Variants in CADM2 observed in about 807,000 individuals in gnomAD.
The protein encoded by CADM2 is cell adhesion molecule 2.
Under a neutral mutation model 49.8 loss-of-function variants are expected in CADM2, and 12 were observed. The observed-to-expected ratio is 0.24, with a 90% CI of 0.15 to 0.39. The LOEUF is 0.39. Ranked by LOEUF, CADM2 falls within the 10% of genes least tolerant of loss-of-function variation. CADM2 has a pLI of 1.00. For missense variants in CADM2, 378 were observed against 492.3 expected (o/e 0.77, Z 2.20); for synonymous variants, 214 against 175.4 (o/e 1.22, Z -1.74).
intron 1 of CADM2, among the ~76,000 whole-genome samples, chr3:85,345,468 C>T (rs1020384117): frequency 1.3e-5 from 2 of 152,044 alleles, no homozygotes; most frequent in Non-Finnish European, 2.9e-5. Flanking sequence ...TCATTCACCA[C>T]CTGATAAGAT....
At chr3:85,213,072 G>A (rs768673673) in intron 1 of CADM2, among the ~76,000 whole-genome samples, 12 of 151,582 alleles carry the variant, frequency 7.9e-5, no homozygotes, top group African/African-American at 2.4e-4. Context: ...TAGTAGAGAC[G>A]GGGTTTCACC....
At chr3:85,024,411 T>C (rs1428159927) in intron 1 of CADM2, among the ~76,000 whole-genome samples, 1 of 152,118 alleles carries the variant, frequency 6.6e-6, no homozygotes, top group Non-Finnish European at 1.5e-5. Context: ...GTTGATCTGA[T>C]TCTAGAGCTT....
At position 85,802,147 on chromosome 3, in the gene CADM2, C is replaced by A; in HGVS notation, c.189C>A (p.Leu63=). 1.2e-6 allele frequency: 2 copies of A among 1,613,214 alleles called. No individual in the cohort carries two copies. The highest frequency in any genetic ancestry group is 1.7e-6 in the Non-Finnish European group (2 of 1,179,536). Reference sequence around the variant, plus strand: ...TTGATCAAAATGATAACACCTCCCTCCAGTGGTCAAATCCAGCTCAACAGA... The same window carrying A: ...TTGATCAAAATGATAACACCTCCCTACAGTGGTCAAATCCAGCTCAACAGA... The part of the protein sequence containing the change: ...CRVDQNDNTS[L]QWSNPAQQTL... The change falls in exon 3 of 10, where the codon CTC becomes CTA. Residue 63 remains leucine (L), a synonymous_variant. Transcript: ENST00000383699.
chr3:85,484,356 C>T (rs116035823), intron 1 of CADM2, among the ~76,000 whole-genome samples: 1,532 of 151,936 alleles, frequency 0.01, 26 homozygotes, highest in African/African-American at 0.034. Flanking sequence ...TTATACAAGG[C>T]ACAATAGGCA....
At chr3:85,101,468 A>G (rs1361944313) in intron 1 of CADM2, among the ~76,000 whole-genome samples, 1 of 152,194 alleles carries the variant, frequency 6.6e-6, no homozygotes, top group Non-Finnish European at 1.5e-5. Context: ...AAAATGTGGT[A>G]TGTTGTATCA....
At chr3:85,918,973 A>G (rs1181310329) in intron 6 of CADM2, among the ~76,000 whole-genome samples, 2 of 152,050 alleles carry the variant, frequency 1.3e-5, no homozygotes, top group East Asian at 3.8e-4. Flanking sequence ...CTGAATATTC[A>G]TTTTCTGTAT....
intron 3 of CADM2, among the ~76,000 whole-genome samples, chr3:85,812,901 A>T (rs1010387943): frequency 1.1e-4 from 17 of 152,182 alleles, no homozygotes; most frequent in African/African-American, 3.9e-4. Flanking sequence ...ATCGCTTCAT[A>T]GTATTCCATG....
intron 8 of CADM2, among the ~76,000 whole-genome samples, chr3:86,026,253 G>A (rs1469780598): frequency 6.6e-6 from 1 of 152,074 alleles, no homozygotes; most frequent in Non-Finnish European, 1.5e-5. Context: ...TTTAAAACAT[G>A]GAAAGATGGT....
intron 1 of CADM2, among the ~76,000 whole-genome samples, chr3:85,344,447 C>A (rs896424016): frequency 1.3e-5 from 2 of 150,684 alleles, no homozygotes; most frequent in East Asian, 1.9e-4. Flanking sequence ...GTCAAACAAA[C>A]CAAAGCAGAG....
chr3:85,884,726 C>CTTTTTT (rs954806418), intron 4 of CADM2, among the ~76,000 whole-genome samples: 1 of 138,336 alleles, frequency 7.2e-6, no homozygotes, highest in African/African-American at 2.7e-5. Flanking sequence ...TATTCTTCTT[C>CTTTTTT]TTTTTTTTTT....
chr3:85,364,967 C>T (rs753087340), intron 1 of CADM2, among the ~76,000 whole-genome samples: 18 of 151,916 alleles, frequency 1.2e-4, no homozygotes, highest in Non-Finnish European at 2.4e-4. Flanking sequence ...GAAAATGGCA[C>T]GATGTTATTT....
chr3:85,820,544 A>G (rs777186052), intron 3 of CADM2, among the ~76,000 whole-genome samples: 1 of 152,170 alleles, frequency 6.6e-6, no homozygotes, highest in Non-Finnish European at 1.5e-5. Flanking sequence ...AGAGTGAAAG[A>G]GGAGTCATGG....
intron 2 of CADM2, among the ~76,000 whole-genome samples, chr3:85,768,024 G>A (rs979574032): frequency 6.6e-6 from 1 of 152,068 alleles, no homozygotes; most frequent in African/African-American, 2.4e-5. Flanking sequence ...AGACGATAAT[G>A]TATCTTTTTA....
Position 85,206,393 on chromosome 3 carries a change from C to T in CADM2, c.61+246725C>T, listed in dbSNP as rs985502681. On this transcript the variant is annotated intron_variant, in intron 1 of 9. Coordinates refer to ENST00000383699, the MANE Select transcript of CADM2 (RefSeq NM_001167675.2). Reference sequence around the variant, plus strand: ...CGCAATCTCGACTCACTGCAAGCTCCGCCTCCCAGGTTCACACCATTCTCC... The same window carrying T: ...CGCAATCTCGACTCACTGCAAGCTCTGCCTCCCAGGTTCACACCATTCTCC... 9.9e-5 allele frequency among the ~76,000 whole-genome samples: 15 copies of T among 151,176 alleles called. 1 individual carries two copies. The South Asian group carries it at 1.3e-3, about 13-fold the overall frequency.
rs1013365532 is a variant in CADM2, at chr3:85,382,722, T to C, written c.62-343800T>C. 5.9e-5 allele frequency among the ~76,000 whole-genome samples: 9 copies of C among 152,172 alleles called. No individual in the cohort carries two copies. The East Asian group carries it at 1.2e-3, about 20-fold the overall frequency. ...CAACTTTTCAAATGATCTTATATTT[T>C]ACAACATTATTGGTATATACTAGTT... is the stretch of plus-strand genomic sequence containing the variant. On this transcript the variant is annotated intron_variant, in intron 1 of 9. Coordinates refer to ENST00000383699, the MANE Select transcript of CADM2 (RefSeq NM_001167675.2).
intron 1 of CADM2, among the ~76,000 whole-genome samples, chr3:85,371,917 G>A (rs191223204): frequency 2.3e-4 from 35 of 151,584 alleles, no homozygotes; most frequent in African/African-American, 8.2e-4. Context: ...AACTGTATAT[G>A]TAAAAACTTA....
chr3:85,156,226 GC>G (rs1244108341), intron 1 of CADM2, among the ~76,000 whole-genome samples: 4 of 151,824 alleles, frequency 2.6e-5, no homozygotes, highest in Non-Finnish European at 4.4e-5. Flanking sequence ...TAGACCACTA[GC>G]AAGACTAATA....
intron 1 of CADM2, among the ~76,000 whole-genome samples, chr3:85,504,069 T>A (rs565732140): frequency 6.6e-6 from 1 of 152,314 alleles, no homozygotes; most frequent in African/African-American, 2.4e-5. Flanking sequence ...ACTTAAAGAA[T>A]AGAAGCCGCT....
intron 3 of CADM2, among the ~76,000 whole-genome samples, chr3:85,834,317 T>C (rs2074312076): frequency 6.6e-6 from 1 of 151,616 alleles, no homozygotes; most frequent in Non-Finnish European, 1.5e-5. Context: ...CAAATAATAT[T>C]CTATATATAA....
Sources: allele counts gnomAD v4.1 joint callset (sites outside exome capture counted in the v4.1 genomes callset), GRCh38; gene constraint gnomAD v4.1.1; transcripts MANE v1.5; gene names NCBI Gene and HGNC (gene_info 2026-07-23, HGNC 2026-07-21).